LRP1B: variants seen among roughly 807,000 people sequenced by gnomAD.
LRP1B encodes the protein LDL receptor related protein 1B.
A neutral mutation model predicts 556.6 loss-of-function variants in LRP1B; 217 were observed. That is an observed-to-expected ratio of 0.39 (90% CI 0.35 to 0.44). The LOEUF (loss-of-function observed/expected upper bound fraction) is 0.44, where lower values mean the gene tolerates loss of function less well. Among genes scored for constraint, LRP1B ranks in the 20% least tolerant of loss-of-function variants. The probability of loss-of-function intolerance (pLI) is 1.00; values close to 1 mark genes in which losing one functional copy is unlikely to be tolerated. For missense variants in LRP1B, 5,053 were observed against 5,620.8 expected, an observed-to-expected ratio of 0.90 and a Z score of 3.23; for synonymous variants, 2,047 against 1,865.8, an observed-to-expected ratio of 1.10 and a Z score of -2.50.
At chr2:141,883,431 T>G (rs1208641444) in intron 1 of LRP1B, among the ~76,000 whole-genome samples, 1 of 152,168 alleles carries the variant, frequency 6.6e-6, no homozygotes, top group Admixed American at 6.5e-5. Flanking sequence ...TATTAGGCAA[T>G]GATTCAAAAT....
chr2:141,579,742 T>TTTTTTTTTTTTTTA (rs1686895633), intron 2 of LRP1B, among the ~76,000 whole-genome samples: 1 of 147,860 alleles, frequency 6.8e-6, no homozygotes, highest in African/African-American at 2.5e-5. Flanking sequence ...TTTTTTTTTT[T>TTTTTTTTTTTTTTA]GAGACGGAGT....
intron 3 of LRP1B, among the ~76,000 whole-genome samples, chr2:141,311,901 C>T (rs1686825847): frequency 1.3e-5 from 2 of 152,098 alleles, no homozygotes; most frequent in Non-Finnish European, 2.9e-5. Flanking sequence ...ATGGGAAATA[C>T]CCCAAAATGT....
intron 43 of LRP1B, among the ~76,000 whole-genome samples, chr2:140,572,957 G>A (rs930482406): frequency 7.2e-5 from 11 of 151,772 alleles, no homozygotes; most frequent in Admixed American, 5.9e-4. Context: ...TAAAAACATC[G>A]ATCCCATAGT....
chr2:140,843,524 A>G (rs1692185886), intron 29 of LRP1B, among the ~76,000 whole-genome samples: 1 of 152,022 alleles, frequency 6.6e-6, no homozygotes, highest in East Asian at 1.9e-4. Context: ...CTTATTTCTC[A>G]CTATTTTTAA....
intron 1 of LRP1B, among the ~76,000 whole-genome samples, chr2:141,838,761 T>C (rs981918785): frequency 1.3e-5 from 2 of 152,204 alleles, no homozygotes; most frequent in Non-Finnish European, 2.9e-5. Flanking sequence ...GTTCGCTGGA[T>C]TGAAAACTCT....
At chr2:141,797,400 G>A (rs766115744) in intron 2 of LRP1B, among the ~76,000 whole-genome samples, 15 of 151,654 alleles carry the variant, frequency 9.9e-5, no homozygotes, top group Non-Finnish European at 2.2e-4. Flanking sequence ...TGAAACAGAA[G>A]TAACAGTTAT....
At chr2:140,733,586 T>C (rs572874176) in intron 35 of LRP1B, among the ~76,000 whole-genome samples, 1 of 152,164 alleles carries the variant, frequency 6.6e-6, no homozygotes, top group Non-Finnish European at 1.5e-5. Flanking sequence ...AAAAATATTA[T>C]GTGACGTGAA....
intron 43 of LRP1B, among the ~76,000 whole-genome samples, chr2:140,555,669 G>T (rs1680705839): frequency 6.6e-6 from 1 of 152,020 alleles, no homozygotes; most frequent in Non-Finnish European, 1.5e-5. Context: ...ATTTTTTAAA[G>T]TGTTGCAAAC....
chr2:140,665,994 ATTT>A (rs201186602), intron 41 of LRP1B, among the ~76,000 whole-genome samples: 2,679 of 144,282 alleles, frequency 0.019, 44 homozygotes, highest in Admixed American at 0.051. Context: ...AAAAAAAAAA[ATTT>A]TTTTTTTTTT....
chr2:140,341,287 C>G (rs1359941551), intron 77 of LRP1B, among the ~76,000 whole-genome samples: 1 of 151,524 alleles, frequency 6.6e-6, no homozygotes, highest in African/African-American at 2.4e-5. Context: ...AATTTTCTAG[C>G]ATTTTATTAC....
chr2:140,767,485 G>C (rs1271295132), intron 35 of LRP1B, among the ~76,000 whole-genome samples: 1 of 151,726 alleles, frequency 6.6e-6, no homozygotes, highest in Admixed American at 6.6e-5. Flanking sequence ...CCTCCATCAT[G>C]GTACATGATA....
chr2:141,912,352 T>C (rs1699926154), intron 1 of LRP1B, among the ~76,000 whole-genome samples: 1 of 152,180 alleles, frequency 6.6e-6, no homozygotes, highest in African/African-American at 2.4e-5. Flanking sequence ...ATTTTATATA[T>C]TTGGTCAGTA....
chr2:141,574,431 G>A (rs1243903893), intron 2 of LRP1B, among the ~76,000 whole-genome samples: 2 of 152,102 alleles, frequency 1.3e-5, no homozygotes, highest in African/African-American at 4.8e-5. Context: ...ACTAGGTACT[G>A]ATGGAACATA....
chr2:140,615,549 T>TA (rs1683225242), intron 41 of LRP1B, among the ~76,000 whole-genome samples: 1 of 152,138 alleles, frequency 6.6e-6, no homozygotes, highest in Non-Finnish European at 1.5e-5. Context: ...CATGACTTGG[T>TA]TATGCTTAAA....
At chr2:141,366,066 A>G (rs574409084) in intron 3 of LRP1B, among the ~76,000 whole-genome samples, 7 of 152,308 alleles carry the variant, frequency 4.6e-5, no homozygotes, top group African/African-American at 1.4e-4. Context: ...TGAATATAAA[A>G]CAACTGGTTC....
intron 1 of LRP1B, among the ~76,000 whole-genome samples, chr2:141,873,599 A>G (rs1698661374): frequency 6.6e-6 from 1 of 151,986 alleles, no homozygotes; most frequent in Non-Finnish European, 1.5e-5. Context: ...CTATCCACTG[A>G]AAGACTCTGG....
intron 41 of LRP1B, among the ~76,000 whole-genome samples, chr2:140,619,441 G>T (rs1352297217): frequency 6.6e-6 from 1 of 152,068 alleles, no homozygotes; most frequent in Non-Finnish European, 1.5e-5. Context: ...TGGCCAAGAT[G>T]GATAATGGAA....
intron 31 of LRP1B, among the ~76,000 whole-genome samples, chr2:140,839,637 T>A (rs1241589794): frequency 6.6e-6 from 1 of 152,222 alleles, no homozygotes; most frequent in African/African-American, 2.4e-5. Flanking sequence ...GGCTACAGAC[T>A]GAAGACTGCG....
At chr2:140,757,652 C>G (rs529695263) in intron 35 of LRP1B, among the ~76,000 whole-genome samples, 1 of 152,086 alleles carries the variant, frequency 6.6e-6, no homozygotes, top group African/African-American at 2.4e-5. Flanking sequence ...AGGCTGAGGC[C>G]GGCGGATCAT....
Sources: gnomAD v4.1 joint callset for allele counts (sites outside exome capture counted in the v4.1 genomes callset) on GRCh38, gnomAD v4.1.1 for gene constraint, MANE v1.5 for transcripts, NCBI Gene and HGNC (gene_info 2026-07-23, HGNC 2026-07-21) for gene names.